Variants in PLA2R1 observed in about 807,000 individuals in gnomAD.
PLA2R1 encodes the protein secretory phospholipase A2 receptor.
In PLA2R1, 158 loss-of-function variants were observed where a neutral mutation model predicts 195.9. The observed-to-expected ratio is 0.81, with a 90% confidence interval of 0.71 to 0.92. The LOEUF (loss-of-function observed/expected upper bound fraction) is 0.92, where lower values mean the gene tolerates loss of function less well. Ranked by LOEUF, PLA2R1 falls within the 40% of genes least tolerant of loss-of-function variation. PLA2R1 has a pLI of 0.00. For synonymous variants in PLA2R1, 586 were observed against 598.2 expected (o/e 0.98, Z 0.30); for missense variants, 1,626 against 1,764.6 (o/e 0.92, Z 1.41).
chr2:160,021,471 AT>A (rs1693113437), intron 7 of PLA2R1, among the ~76,000 whole-genome samples: 1 of 152,228 alleles, frequency 6.6e-6, no homozygotes, highest in South Asian at 2.1e-4. Context: ...AAAGAATGAA[AT>A]CATATCTTTC....
rs1158471096 is a variant in PLA2R1, at chr2:159,951,381, G to A, written c.3499C>T (p.Arg1167Trp). Reference sequence around the variant, plus strand: ...CCAATCCAGTGGGCATATCCTAGCCGGTTGAGGACAACAGTGAGGAAGGAC... The same window carrying A: ...CCAATCCAGTGGGCATATCCTAGCCAGTTGAGGACAACAGTGAGGAAGGAC... ...HQSFLTVVLN[R>W]LGYAHWIGLF... is the part of the protein sequence containing the mutation. Residue 1167 changes from arginine to tryptophan, a missense_variant, in exon 24 of 30, where the codon CGG (arginine) becomes TGG (tryptophan). Physicochemically the swap from Arg to Trp is moderately radical, Grantham distance 101. Coordinates refer to ENST00000283243, the MANE Select transcript of PLA2R1 (RefSeq NM_007366.5). The A allele has an allele frequency of 3.3e-5, 54 of 1,613,196 alleles. No individual in the cohort carries two copies. Among genetic ancestry groups the A allele is most frequent in the Non-Finnish European group, 4.4e-5 (52 of 1,179,314 alleles).
intron 11 of PLA2R1, among the ~76,000 whole-genome samples, chr2:160,002,045 A>G (rs1294135074): frequency 1.3e-5 from 2 of 151,734 alleles, no homozygotes; most frequent in Non-Finnish European, 3.0e-5. Context: ...TATAAAAAGA[A>G]CACATGCAAG....
At chr2:160,060,715 C>T (rs1437600102) in intron 1 of PLA2R1, among the ~76,000 whole-genome samples, 1 of 152,212 alleles carries the variant, frequency 6.6e-6, no homozygotes, top group African/African-American at 2.4e-5. Context: ...GGTTCTGCTA[C>T]ATATAGAAGG....
chr2:160,032,003 C>A lies in PLA2R1; in HGVS notation c.841+956G>T, dbSNP rs6723780. Among the ~76,000 whole-genome samples, 231 of 152,158 alleles carry A rather than the reference C, an allele frequency of 1.5e-3. 2 individuals are homozygous for A. The highest frequency in any genetic ancestry group is 2.0e-3 in the Non-Finnish European group (133 of 68,002). On this transcript the variant is annotated intron_variant, in intron 4 of 29. Transcript: ENST00000283243. ...GCTGGTCTTGAACTCTTGGCCTCAA[C>A]TGATCCACCTGCCTTGGCCTCCCAA...
rs1687049993 is a variant in PLA2R1 at position 159,940,792 on chromosome 2, T to TAATAAAG, written c.*979_*985dup. On this transcript the variant is annotated 3_prime_UTR_variant, in exon 30 of 30. Transcript: ENST00000283243. ...AATAGAACACCTAAACTCATTTACA[T>TAATAAAG]AATAAAGATATCTAGATTACTAATT... The TAATAAAG allele has an allele frequency of 6.6e-6, 1 of 152,206 alleles. No individual in the cohort carries two copies. Among genetic ancestry groups the TAATAAAG allele is most frequent in the Non-Finnish European group, 1.5e-5 (1 of 68,034 alleles). The allele number at this position is 152,206 out of a possible 1,614,324, so 9.4% of individuals were successfully genotyped here.
intron 1 of PLA2R1, among the ~76,000 whole-genome samples, chr2:160,056,024 C>T (rs569559862): frequency 1.3e-5 from 2 of 152,210 alleles, no homozygotes; most frequent in South Asian, 4.2e-4. Flanking sequence ...TTCACCATGG[C>T]TTTGATACCA....
rs1688017393 is a variant in PLA2R1, at chr2:159,955,366, A to G, written c.3154-20T>C. 1 of 1,515,672 alleles carries G rather than the reference A, an allele frequency of 6.6e-7. No homozygotes were observed. The highest frequency in any genetic ancestry group is 9.1e-7 in the Non-Finnish European group (1 of 1,100,038). The allele number at this position is 1,515,672 out of a possible 1,614,324, so 93.9% of individuals were successfully genotyped here. On this transcript the variant is annotated intron_variant, in intron 22 of 29. Coordinates refer to ENST00000283243, the MANE Select transcript of PLA2R1 (RefSeq NM_007366.5). ...TGGAATCTTTAAAATAATACACGTT[A>G]TCAAAAGTATGATAACATATAGCAT...
intron 17 of PLA2R1, among the ~76,000 whole-genome samples, chr2:159,972,842 T>C (rs996780610): frequency 6.6e-6 from 1 of 152,212 alleles, no homozygotes; most frequent in African/African-American, 2.4e-5. Context: ...TGCTTTATGG[T>C]CTTCTGTTAC....
chr2:160,021,428 T>TACAC (rs1022364897), intron 7 of PLA2R1, among the ~76,000 whole-genome samples: 74 of 152,150 alleles, frequency 4.9e-4, no homozygotes, highest in Admixed American at 2.6e-4. Context: ...TATATACACA[T>TACAC]ACACATACCA....
At chr2:160,029,121 C>T (rs1400150029) in intron 4 of PLA2R1, among the ~76,000 whole-genome samples, 158 bp from the exon 5 acceptor site, 3 of 152,148 alleles carry the variant, frequency 2.0e-5, no homozygotes, top group Admixed American at 2.0e-4. Flanking sequence ...AAGCAGGCTC[C>T]CACCATCTTG....
chr2:159,929,880 A>ATG (rs1274197921), downstream of PLA2R1, among the ~76,000 whole-genome samples: 1 of 151,510 alleles, frequency 6.6e-6, no homozygotes, highest in Non-Finnish European at 1.5e-5. Flanking sequence ...GTGTATATAT[A>ATG]TATATATGAA....
chr2:160,023,340 TC>T (rs1211752541), intron 6 of PLA2R1, among the ~76,000 whole-genome samples: 1 of 152,088 alleles, frequency 6.6e-6, no homozygotes, highest in Non-Finnish European at 1.5e-5. Flanking sequence ...CCAAAACCCA[TC>T]AAAACCAAGA....
intron 11 of PLA2R1, among the ~76,000 whole-genome samples, chr2:160,005,003 G>A (rs1573874414): frequency 1.3e-5 from 2 of 152,296 alleles, no homozygotes; most frequent in Middle Eastern, 3.4e-3. Flanking sequence ...TCTGAACTGA[G>A]TAAGCACTTG....
At chr2:160,017,885 G>A (rs1002908233) in intron 8 of PLA2R1, among the ~76,000 whole-genome samples, 1 of 152,026 alleles carries the variant, frequency 6.6e-6, no homozygotes, top group Non-Finnish European at 1.5e-5. Context: ...GCCCTGCATC[G>A]CTCCCCCATG....
intron 24 of PLA2R1, 39 bp from the exon 25 acceptor site, chr2:159,949,815 C>T (rs377322187): frequency 1.2e-4 from 194 of 1,552,302 alleles, no homozygotes; most frequent in Admixed American, 1.2e-4. Context: ...CTTGCCACGA[C>T]GGCTGGCAGC....
At chr2:160,021,388 G>T (rs1488980205) in intron 7 of PLA2R1, among the ~76,000 whole-genome samples, 2 of 152,164 alleles carry the variant, frequency 1.3e-5, no homozygotes, top group African/African-American at 4.8e-5. Context: ...TCCATCAGAG[G>T]AGGGTTGGAT....
At chr2:159,947,045 G>A in intron 26 of PLA2R1, 128 bp from the exon 27 acceptor site, 1 of 638,504 alleles carries the variant, frequency 1.6e-6, no homozygotes, top group Non-Finnish European at 2.6e-6. Flanking sequence ...ATAAAGAAGA[G>A]ACTTTAAATT....
chr2:159,994,554 T>C (rs1691074568), intron 11 of PLA2R1, among the ~76,000 whole-genome samples: 1 of 152,136 alleles, frequency 6.6e-6, no homozygotes, highest in Non-Finnish European at 1.5e-5. Flanking sequence ...TGTATTATTA[T>C]GTCTTTTAAA....
At chr2:160,037,370 G>A (rs539505476) in intron 3 of PLA2R1, among the ~76,000 whole-genome samples, 5 of 152,304 alleles carry the variant, frequency 3.3e-5, no homozygotes, top group Admixed American at 2.6e-4. Flanking sequence ...CTTTCAGAGT[G>A]TCTTGTTTCT....
Sources: allele counts gnomAD v4.1 joint callset (sites outside exome capture counted in the v4.1 genomes callset), GRCh38; gene constraint gnomAD v4.1.1; transcripts MANE v1.5; gene names NCBI Gene and HGNC (gene_info 2026-07-23, HGNC 2026-07-21).